Variants in GRM5 observed in about 807,000 individuals in gnomAD.
GRM5 encodes metabotropic glutamate receptor 5.
Under a neutral mutation model 83.1 loss-of-function variants are expected in GRM5, and 19 were observed. That is an observed-to-expected ratio of 0.23 (90% CI 0.16 to 0.34). The LOEUF is 0.34. GRM5 is among the 10% of genes least tolerant of loss of function. The probability of loss-of-function intolerance (pLI) is 1.00; values close to 1 mark genes in which losing one functional copy is unlikely to be tolerated. For synonymous variants in GRM5, 675 were observed against 633.6 expected (o/e 1.07, Z -0.98); for missense variants, 1,160 against 1,588.3 (o/e 0.73, Z 4.58).
intron 4 of GRM5, chr11:88,612,945 T>G (rs1938367100): frequency 6.6e-6 from 1 of 152,150 alleles, no homozygotes; most frequent in Admixed American, 6.5e-5. Flanking sequence ...TTTAATTTCA[T>G]TTTTTTATCC....
chr11:88,779,210 G>A (rs1212812220), intron 3 of GRM5, among the ~76,000 whole-genome samples: 1 of 152,190 alleles, frequency 6.6e-6, no homozygotes, highest in East Asian at 1.9e-4. Context: ...AACACATGAA[G>A]TTATTTGTGT....
chr11:88,628,811 G>A (rs1431431539), intron 4 of GRM5, among the ~76,000 whole-genome samples: 1 of 152,172 alleles, frequency 6.6e-6, no homozygotes, highest in Admixed American at 6.5e-5. Context: ...AATGTAGATT[G>A]TGAAGTGCTC....
At chr11:88,690,883 T>C (rs551950010) in intron 3 of GRM5, among the ~76,000 whole-genome samples, 1 of 152,340 alleles carries the variant, frequency 6.6e-6, no homozygotes, top group Admixed American at 6.5e-5. Flanking sequence ...ACCTCTTTAT[T>C]CATCTTTCTG....
intron 2 of GRM5, among the ~76,000 whole-genome samples, chr11:88,995,310 G>A (rs1296066702): frequency 6.6e-6 from 1 of 151,972 alleles, no homozygotes; most frequent in Non-Finnish European, 1.5e-5. Context: ...ACTTCGGGAG[G>A]CCAAGGGAGG....
chr11:88,767,085 C>T lies in GRM5; in HGVS notation c.911+82821G>A, dbSNP rs116759266. ...AGTGCAGTGTCATAATCACAGTTCA[C>T]TTCAACCCCATCTTCAGCCTCCCAG... On this transcript the variant is annotated intron_variant, in intron 3 of 9. Transcript: ENST00000305447. Among the ~76,000 whole-genome samples, 188 of 152,044 alleles carry T rather than the reference C, an allele frequency of 1.2e-3. 1 individual carries two copies. Among genetic ancestry groups the T allele is most frequent in the African/African-American group, 4.4e-3 (183 of 41,532 alleles).
At chr11:88,807,166 CAT>C (rs1363637389) in intron 3 of GRM5, among the ~76,000 whole-genome samples, 4 of 152,122 alleles carry the variant, frequency 2.6e-5, no homozygotes, top group African/African-American at 7.2e-5. Context: ...TAAACCTTGA[CAT>C]AGACAGTTTT....
intron 2 of GRM5, among the ~76,000 whole-genome samples, chr11:88,991,994 A>G (rs1350570057): frequency 6.6e-6 from 1 of 152,188 alleles, no homozygotes; most frequent in Non-Finnish European, 1.5e-5. Context: ...AATGGCAACA[A>G]AAGACAAAAT....
chr11:88,528,031 C>CA (rs1434923253), intron 8 of GRM5, among the ~76,000 whole-genome samples: 18 of 151,912 alleles, frequency 1.2e-4, no homozygotes, highest in Non-Finnish European at 1.5e-5. Context: ...TATACCCCTG[C>CA]AAAACACAAC....
At chr11:88,739,534 C>T (rs1258871397) in intron 3 of GRM5, among the ~76,000 whole-genome samples, 1 of 152,034 alleles carries the variant, frequency 6.6e-6, no homozygotes, top group African/African-American at 2.4e-5. Context: ...CTTTGTGTCC[C>T]TACCAAAATC....
chr11:88,882,908 AAG>A (rs1243643375), intron 2 of GRM5, among the ~76,000 whole-genome samples: 2 of 152,080 alleles, frequency 1.3e-5, no homozygotes, highest in Admixed American at 6.5e-5. Context: ...TAAGTCTCAC[AAG>A]ATCTGATGGT....
intron 4 of GRM5, among the ~76,000 whole-genome samples, chr11:88,625,581 G>C (rs1938771583): frequency 6.6e-6 from 1 of 152,054 alleles, no homozygotes; most frequent in African/African-American, 2.4e-5. Flanking sequence ...AATAGGCCAT[G>C]CAACTTACTC....
intron 3 of GRM5, among the ~76,000 whole-genome samples, chr11:88,839,934 A>G (rs1344417608): frequency 1.3e-5 from 2 of 152,172 alleles, no homozygotes; most frequent in African/African-American, 2.4e-5. Flanking sequence ...GAAGAAAAAT[A>G]TATATTTACT....
intron 3 of GRM5, among the ~76,000 whole-genome samples, chr11:88,744,858 A>C (rs1474753631): frequency 6.6e-6 from 1 of 152,194 alleles, no homozygotes; most frequent in Non-Finnish European, 1.5e-5. Context: ...ACTGAGTTTA[A>C]GGTTGAGGTA....
chr11:88,707,375 T>C (rs984808167), intron 3 of GRM5, among the ~76,000 whole-genome samples: 5 of 152,090 alleles, frequency 3.3e-5, no homozygotes, highest in Admixed American at 2.6e-4. Flanking sequence ...ATTCTTCTCT[T>C]TTCCACCCAC....
chr11:88,760,873 G>A lies in GRM5; in HGVS notation c.911+89033C>T, dbSNP rs11499668. Among the ~76,000 whole-genome samples, 299 of 152,104 alleles carry A rather than the reference G, an allele frequency of 2.0e-3. 2 individuals are homozygous for A. Among genetic ancestry groups the A allele is most frequent in the African/African-American group, 6.9e-3 (285 of 41,538 alleles). On this transcript the variant is annotated intron_variant, in intron 3 of 9. Transcript: ENST00000305447. ...GCTTATCCGTCATGATCAAGTAGGC[G>A]TTATCTCTGGGCTGCAAGGTTGGTT...
chr11:88,520,315 T>A (rs556404199), intron 9 of GRM5, among the ~76,000 whole-genome samples: 4 of 152,304 alleles, frequency 2.6e-5, no homozygotes, highest in African/African-American at 9.6e-5. Flanking sequence ...GAAATTCTAA[T>A]CTATTCTCAA....
chr11:88,636,073 A>G (rs951708038), intron 4 of GRM5, among the ~76,000 whole-genome samples: 6 of 152,220 alleles, frequency 3.9e-5, no homozygotes, highest in Admixed American at 3.9e-4. Context: ...AAAGACAATT[A>G]TACCATCTGT....
At chr11:88,628,983 T>C (rs1938883200) in intron 4 of GRM5, among the ~76,000 whole-genome samples, 1 of 152,172 alleles carries the variant, frequency 6.6e-6, no homozygotes, top group Non-Finnish European at 1.5e-5. Flanking sequence ...ACACATCACT[T>C]TAGCTCATAT....
At chr11:88,562,005 TGAACTA>T (rs1321401168) in intron 8 of GRM5, among the ~76,000 whole-genome samples, 2 of 152,142 alleles carry the variant, frequency 1.3e-5, no homozygotes, top group Non-Finnish European at 2.9e-5. Context: ...ACTAAAGATA[TGAACTA>T]CTCTTCAGGC....
Sources: allele counts gnomAD v4.1 joint callset (sites outside exome capture counted in the v4.1 genomes callset), GRCh38; gene constraint gnomAD v4.1.1; transcripts MANE v1.5; gene names NCBI Gene and HGNC (gene_info 2026-07-23, HGNC 2026-07-21).